The following PDE6D variants were observed in gnomAD, a reference collection of about 807,000 sequenced individuals.
PDE6D encodes the protein phosphodiesterase 6D.
A neutral mutation model predicts 21.9 loss-of-function variants in PDE6D; 10 were observed. The observed-to-expected ratio is 0.46, with a 90% CI of 0.28 to 0.78. PDE6D has a LOEUF of 0.78. Ranked by LOEUF, PDE6D falls within the 30% of genes least tolerant of loss-of-function variation. The probability of loss-of-function intolerance (pLI) is 0.12; values close to 1 mark genes in which losing one functional copy is unlikely to be tolerated. For missense variants in PDE6D, 139 were observed against 184.8 expected, an observed-to-expected ratio of 0.75 and a Z score of 1.44; for synonymous variants, 59 against 63.5, an observed-to-expected ratio of 0.93 and a Z score of 0.34.
At chr2:231,756,149 T>A (rs982063922) in intron 1 of PDE6D, among the ~76,000 whole-genome samples, 1 of 152,100 alleles carries the variant, frequency 6.6e-6, no homozygotes, top group African/African-American at 2.4e-5. Flanking sequence ...GCAAAATTAC[T>A]CTCTTCCCCT....
rs182918778 is a variant in PDE6D at position 231,739,452 on chromosome 2, G to A, written c.51-264C>T. Among the ~76,000 whole-genome samples the A allele has an allele frequency of 2.9e-3, 449 of 152,218 alleles. 2 individuals are homozygous for A. The highest frequency in any genetic ancestry group is 5.3e-3 in the Non-Finnish European group (358 of 68,002). Reference sequence around the variant, plus strand: ...AGACTGCAAGAAAGGGACAGAAAACGAATAGTGCAAAATTTAAAATTTACC... The same window carrying A: ...AGACTGCAAGAAAGGGACAGAAAACAAATAGTGCAAAATTTAAAATTTACC... On this transcript the variant is annotated intron_variant, in intron 1 of 4. Coordinates refer to ENST00000287600, the MANE Select transcript of PDE6D (RefSeq NM_002601.4). This position sits in a 1 kb window ranked among gnomAD's most constrained non-coding sequence, Gnocchi z 4.2.
intron 1 of PDE6D, among the ~76,000 whole-genome samples, chr2:231,753,528 G>A (rs972644182): frequency 4.0e-5 from 6 of 151,796 alleles, no homozygotes; most frequent in African/African-American, 9.7e-5. Context: ...TCCAGCCTGG[G>A]CGACAGAGCA....
chr2:231,777,082 C>T (rs2049063473), intron 1 of PDE6D, among the ~76,000 whole-genome samples: 1 of 152,108 alleles, frequency 6.6e-6, no homozygotes, highest in South Asian at 2.1e-4. Context: ...TTGACCTAGT[C>T]AACGTGGAAA....
rs554167391 is a variant in PDE6D at position 231,781,261 on chromosome 2, C to T, written c.-147G>A. ...GCCAGACCAGGACCGGCCTCTCTCT[C>T]CCCTCAGCTCCCGCTTCTGATCCCT... is the stretch of plus-strand genomic sequence containing the variant. On this transcript the variant is annotated 5_prime_UTR_variant, in exon 1 of 5. Coordinates refer to ENST00000287600, the MANE Select transcript of PDE6D (RefSeq NM_002601.4). 3.1e-5 allele frequency: 21 copies of T among 670,738 alleles called. No individual in the cohort carries two copies. The highest frequency in any genetic ancestry group is 1.1e-4 in the African/African-American group (6 of 54,080). The allele number at this position is 670,738 out of a possible 1,614,324, so 41.5% of individuals were successfully genotyped here.
At chr2:231,772,746 G>C (rs1489146120) in intron 1 of PDE6D, among the ~76,000 whole-genome samples, 6 of 152,176 alleles carry the variant, frequency 3.9e-5, no homozygotes, top group Non-Finnish European at 8.8e-5. Context: ...TTTATCAAAT[G>C]TAGTGGTGAT....
At chr2:231,756,506 A>G (rs2048883259) in intron 1 of PDE6D, among the ~76,000 whole-genome samples, 1 of 151,938 alleles carries the variant, frequency 6.6e-6, no homozygotes, top group South Asian at 2.1e-4. Context: ...GCACAACTGA[A>G]GCTCACTGCA....
chr2:231,765,258 G>A (rs1418548991), intron 1 of PDE6D, among the ~76,000 whole-genome samples: 1 of 151,812 alleles, frequency 6.6e-6, no homozygotes, highest in Non-Finnish European at 1.5e-5. Context: ...GGGTGGCAAA[G>A]CAAGATCCTA....
chr2:231,781,246 G>T lies in PDE6D; in HGVS notation c.-132C>A. 1 of 779,088 alleles carries T rather than the reference G, an allele frequency of 1.3e-6. No homozygotes were observed. The highest frequency in any genetic ancestry group is 2.1e-6 in the Non-Finnish European group (1 of 466,362). The allele number at this position is 779,088 out of a possible 1,614,324, so 48.3% of individuals were successfully genotyped here. A position where few individuals can be genotyped will look rare whatever the true frequency, so the allele number is the denominator to read the frequency against. On this transcript the variant is annotated 5_prime_UTR_variant, in exon 1 of 5. Coordinates refer to ENST00000287600, the MANE Select transcript of PDE6D (RefSeq NM_002601.4). ...CTAGCAGCCGCAGCGGCCAGACCAGGACCGGCCTCTCTCTCCCCTCAGCTC... is the reference window on the plus strand; with the variant it reads ...CTAGCAGCCGCAGCGGCCAGACCAGTACCGGCCTCTCTCTCCCCTCAGCTC...
At chr2:231,757,652 G>A (rs1375219048) in intron 1 of PDE6D, among the ~76,000 whole-genome samples, 1 of 152,110 alleles carries the variant, frequency 6.6e-6, no homozygotes, top group Non-Finnish European at 1.5e-5. Flanking sequence ...TAAAAATTCA[G>A]TTATCCTGGG....
In PDE6D at chr2:231,739,006, C is replaced by T. The variant is rs1161245029; in HGVS notation, c.139+94G>A. The stretch of plus-strand genomic sequence containing the variant: ...CATGCTGTGTCTTCAGGGGCTCACC[C>T]GCCTATTAGGTATGTGTTAACTTAG... On this transcript the variant is annotated intron_variant, in intron 2 of 4. Coordinates refer to ENST00000287600, the MANE Select transcript of PDE6D (RefSeq NM_002601.4). The surrounding 1 kb of genome is among the most constrained non-coding windows in gnomAD (Gnocchi z 4.2). The T allele has an allele frequency of 8.1e-6, 6 of 744,570 alleles. No individual in the cohort carries two copies. The highest frequency in any genetic ancestry group is 1.7e-5 in the African/African-American group (1 of 57,168). The allele number at this position is 744,570 out of a possible 1,614,324, so 46.1% of individuals were successfully genotyped here.
chr2:231,744,919 A>G (rs79795930), intron 1 of PDE6D, among the ~76,000 whole-genome samples: 170 of 152,286 alleles, frequency 1.1e-3, no homozygotes, highest in African/African-American at 3.9e-3. Context: ...CAAGTTTTGT[A>G]AGATTTTATC....
intron 1 of PDE6D, among the ~76,000 whole-genome samples, chr2:231,744,488 G>T (rs983739920): frequency 2.0e-5 from 3 of 149,434 alleles, no homozygotes; most frequent in Non-Finnish European, 3.0e-5. Context: ...CGACTGGAGT[G>T]AATGGCACGA....
intron 1 of PDE6D, among the ~76,000 whole-genome samples, chr2:231,742,100 T>G (rs1176378392): frequency 2.6e-5 from 4 of 152,038 alleles, no homozygotes; most frequent in Admixed American, 2.6e-4. Flanking sequence ...GTGGTGCTCT[T>G]CATTAGAAAC....
chr2:231,740,680 CAAAAAAA>C (rs3074722), intron 1 of PDE6D, among the ~76,000 whole-genome samples: 9,811 of 57,120 alleles, frequency 0.17, 368 homozygotes, highest in African/African-American at 0.2. Context: ...GACCCTGTCT[CAAAAAAA>C]AAAAAAAAAA....
At chr2:231,761,509 A>T (rs2048926824) in intron 1 of PDE6D, among the ~76,000 whole-genome samples, 1 of 152,216 alleles carries the variant, frequency 6.6e-6, no homozygotes, top group South Asian at 2.1e-4. Context: ...GTGGTTCATT[A>T]TCAATGCAGA....
chr2:231,740,088 A>G (rs1446007657), intron 1 of PDE6D, among the ~76,000 whole-genome samples: 2 of 152,188 alleles, frequency 1.3e-5, no homozygotes, highest in African/African-American at 2.4e-5. Context: ...ACAGACACTA[A>G]AAATTAATAT....
In PDE6D at chr2:231,737,274, C is replaced by T. The variant is rs1170716038; in HGVS notation, c.284G>A (p.Gly95Asp). 9 of 1,609,732 alleles carry T rather than the reference C, an allele frequency of 5.6e-6. No homozygotes were observed. The change falls in exon 4 of 5, where the codon GGC becomes GAC. Residue 95 changes from glycine (G) to aspartate (D), a missense_variant. Transcript: ENST00000287600. Reference protein sequence around the residue: ...QCLEEWFFEFGFVIPNSTNTW... With the variant: ...QCLEEWFFEFDFVIPNSTNTW... ...ATTTGTGGAGTTAGGGATCACAAAG[C>T]CAAACTCGAAGAACCATTCTGAAGG...
chr2:231,739,121 C>G lies in PDE6D; in HGVS notation c.118G>C (p.Val40Leu). The change falls in exon 2 of 5, where the codon GTC (valine) becomes CTC (leucine). Residue 40 changes from valine (V) to leucine (L), a missense_variant. By Grantham distance (32) the Val-to-Leu change is conservative. Coordinates refer to ENST00000287600, the MANE Select transcript of PDE6D (RefSeq NM_002601.4). This position sits in a 1 kb window ranked among gnomAD's most constrained non-coding sequence, Gnocchi z 4.2. ...ILWQGTEDLS[V>L]PGVEHEARVP... ...GTACCTTCATGCTCCACACCAGGGA[C>G]AGACAGGTCTTCTGTTCCTTGCCAG... 6.2e-7 allele frequency: 1 copy of G among 1,612,036 alleles called. No individual in the cohort carries two copies. The highest frequency in any genetic ancestry group is 1.3e-5 in the African/African-American group (1 of 74,970).
intron 1 of PDE6D, among the ~76,000 whole-genome samples, chr2:231,753,096 G>T (rs1441373981): frequency 2.0e-5 from 3 of 150,456 alleles, no homozygotes; most frequent in Non-Finnish European, 1.5e-5. Flanking sequence ...CTCCCAAAGT[G>T]CTGGGATTAC....
Sources: allele counts gnomAD v4.1 joint callset (sites outside exome capture counted in the v4.1 genomes callset), GRCh38; gene constraint gnomAD v4.1.1; non-coding constraint Gnocchi (gnomAD v3.1); transcripts MANE v1.5; gene names NCBI Gene and HGNC (gene_info 2026-07-23, HGNC 2026-07-21).